Variants in UMAD1 observed in about 807,000 individuals in gnomAD.
The protein encoded by UMAD1 is UBAP1-MVB12-associated (UMA) domain containing 1.
Under a neutral mutation model 6.1 loss-of-function variants are expected in UMAD1, and 8 were observed. The observed-to-expected ratio is 1.30, with a 90% CI of 0.76 to 2.35. The LOEUF is 2.35. Ranked by LOEUF, UMAD1 falls within the 30% of genes most tolerant of loss-of-function variation. The probability of loss-of-function intolerance (pLI) is 0.00; values close to 1 mark genes in which losing one functional copy is unlikely to be tolerated. For missense variants in UMAD1, 130 were observed against 78.4 expected, an observed-to-expected ratio of 1.66 and a Z score of -2.49; for synonymous variants, 56 against 31.4, an observed-to-expected ratio of 1.78 and a Z score of -2.61.
chr7:7,716,261 A>G (rs1583768765), intron 2 of UMAD1, among the ~76,000 whole-genome samples: 1 of 152,344 alleles, frequency 6.6e-6, no homozygotes, highest in East Asian at 1.9e-4. Context: ...CGATATTATT[A>G]CAACATGGGA....
chr7:7,665,024 C>T (rs1373967505), intron 1 of UMAD1, among the ~76,000 whole-genome samples: 1 of 152,100 alleles, frequency 6.6e-6, no homozygotes, highest in East Asian at 1.9e-4. Context: ...TACACACACA[C>T]ACACATTCAT....
intron 2 of UMAD1, among the ~76,000 whole-genome samples, chr7:7,801,157 A>G (rs1445639403): frequency 1.3e-5 from 2 of 152,230 alleles, no homozygotes; most frequent in Admixed American, 1.3e-4. Flanking sequence ...AGTGAAGGCT[A>G]GTTTATGCAT....
intron 2 of UMAD1, among the ~76,000 whole-genome samples, chr7:7,723,692 A>G (rs923983766): frequency 6.6e-6 from 1 of 152,192 alleles, no homozygotes; most frequent in Non-Finnish European, 1.5e-5. Flanking sequence ...ATAGTCACTC[A>G]ACTACAAAAT....
rs1471423962 is a variant in UMAD1 at position 7,692,173 on chromosome 7, TGGAAAGCAGC to T, written c.82+18721_82+18730del. Among the ~76,000 whole-genome samples the T allele has an allele frequency of 2.6e-5, 4 of 152,064 alleles. No individual in the cohort carries two copies. The East Asian group carries it at 7.7e-4, about 29-fold the overall frequency. On this transcript the variant is annotated intron_variant, in intron 2 of 3. Transcript: ENST00000682710. ...CACATATCACCATCTTCCCTTACTC[TGGAAAGCAGC>T]TAGTCAGCAGGTAGAGAAGGGACTG...
chr7:7,662,483 A>G lies in UMAD1; in HGVS notation c.-63-10826A>G, dbSNP rs1785499708. On this transcript the variant is annotated intron_variant, in intron 1 of 3. Transcript: ENST00000682710. The stretch of plus-strand genomic sequence containing the variant: ...GAATCTCCTGGTCTGTGGGTTGCGA[A>G]GACCGTGGGAAAAGCGTAGTATCCG... 1.3e-5 allele frequency among the ~76,000 whole-genome samples: 2 copies of G among 152,220 alleles called. 1 individual carries two copies. The highest frequency in any genetic ancestry group is 1.3e-4 in the Admixed American group (2 of 15,286).
At position 7,872,974 on chromosome 7, in the gene UMAD1, A is replaced by T. The variant is rs1461957638; in HGVS notation, c.157-4307A>T. On this transcript the variant is annotated intron_variant, in intron 3 of 3. Transcript: ENST00000682710. ...AGTGAGTGTCAAAAGAGATGAATGG[A>T]TTCTAAACTTCATCTAAACCCAAAT... Among the ~76,000 whole-genome samples, 6 of 152,328 alleles carry T rather than the reference A, an allele frequency of 3.9e-5. No individual in the cohort carries two copies. In the East Asian group the frequency reaches 1.2e-3, roughly 29 times the overall value.
intron 1 of UMAD1, among the ~76,000 whole-genome samples, chr7:7,652,029 G>A (rs1399616048): frequency 6.6e-6 from 1 of 152,204 alleles, no homozygotes; most frequent in Non-Finnish European, 1.5e-5. Flanking sequence ...GGGAGGGGTA[G>A]AAGGAAGGGA....
intron 2 of UMAD1, among the ~76,000 whole-genome samples, chr7:7,739,218 G>A (rs1234690533): frequency 2.0e-5 from 3 of 152,146 alleles, no homozygotes; most frequent in Non-Finnish European, 4.4e-5. Context: ...ATGAGTACAC[G>A]TAAATACTTA....
At chr7:7,657,941 T>C (rs796586812) in intron 1 of UMAD1, among the ~76,000 whole-genome samples, 3 of 152,220 alleles carry the variant, frequency 2.0e-5, no homozygotes, top group African/African-American at 7.2e-5. Flanking sequence ...TTCCTATCCA[T>C]GAGCATGGAA....
At chr7:7,833,694 A>G (rs1041972352) in intron 3 of UMAD1, among the ~76,000 whole-genome samples, 1 of 152,198 alleles carries the variant, frequency 6.6e-6, no homozygotes, top group African/African-American at 2.4e-5. Flanking sequence ...GGAGCCTATT[A>G]ACCTTTACAC....
chr7:7,878,490 CT>C lies in UMAD1; in HGVS notation c.*953del, dbSNP rs1563282407. 3 of 152,128 alleles carry C rather than the reference CT, an allele frequency of 2.0e-5. No individual in the cohort carries two copies. Among genetic ancestry groups the C allele is most frequent in the Non-Finnish European group, 4.4e-5 (3 of 68,016 alleles). 9.4% of individuals were successfully genotyped at this position (152,128 alleles called of 1,614,324 possible). On this transcript the variant is annotated 3_prime_UTR_variant, in exon 4 of 4. Transcript: ENST00000682710. ...TCCAATTAGAGTATAGGCAGAACAC[CT>C]AGATATGACTTTTAGTTCTTGAATA...
At chr7:7,806,521 A>G (rs144124000) in intron 3 of UMAD1, among the ~76,000 whole-genome samples, 105 of 152,320 alleles carry the variant, frequency 6.9e-4, no homozygotes, top group African/African-American at 2.5e-3. Flanking sequence ...TGCCCTGTCA[A>G]TGATTTCTGG....
In UMAD1 at chr7:7,742,112, A is replaced by G. The variant is rs182826158; in HGVS notation, c.83-59558A>G. On this transcript the variant is annotated intron_variant, in intron 2 of 3. Coordinates refer to ENST00000682710, the MANE Select transcript of UMAD1 (RefSeq NM_001302348.2). ...GTTGATATGATGAAAGTTTGGCAAC[A>G]TCCAAAGCATCGTAATCAGGAGGCA... 2.0e-5 allele frequency: 12 copies of G among 596,910 alleles called. No individual in the cohort carries two copies. The East Asian group carries it at 4.1e-4, about 20-fold the overall frequency. The allele number at this position is 596,910 out of a possible 1,614,324, so 37.0% of individuals were successfully genotyped here.
At chr7:7,754,989 G>T (rs866002175) in intron 2 of UMAD1, among the ~76,000 whole-genome samples, 1 of 152,134 alleles carries the variant, frequency 6.6e-6, no homozygotes, top group Middle Eastern at 3.4e-3. Context: ...TTTTCATACA[G>T]CTGCTGGGGT....
At chr7:7,666,418 G>A (rs958114422) in intron 1 of UMAD1, among the ~76,000 whole-genome samples, 1 of 152,078 alleles carries the variant, frequency 6.6e-6, no homozygotes, top group Non-Finnish European at 1.5e-5. Flanking sequence ...ACGTTGCCCA[G>A]GCTGGTCATG....
intron 2 of UMAD1, among the ~76,000 whole-genome samples, chr7:7,765,859 C>T (rs575428385): frequency 1.3e-5 from 2 of 152,084 alleles, no homozygotes; most frequent in East Asian, 3.9e-4. Context: ...ATGTTCTACT[C>T]AAAATTTTGG....
At chr7:7,747,183 T>A (rs1728645278) in intron 2 of UMAD1, among the ~76,000 whole-genome samples, 1 of 152,160 alleles carries the variant, frequency 6.6e-6, no homozygotes, top group Non-Finnish European at 1.5e-5. Flanking sequence ...AAGGAATAAA[T>A]CCTAGTATTG....
chr7:7,762,852 T>A (rs913196659), intron 2 of UMAD1, among the ~76,000 whole-genome samples: 2 of 151,244 alleles, frequency 1.3e-5, no homozygotes, highest in Non-Finnish European at 3.0e-5. Flanking sequence ...GAAAGCACAT[T>A]ACATATATGT....
At chr7:7,713,044 A>G (rs1161597212) in intron 2 of UMAD1, among the ~76,000 whole-genome samples, 1 of 152,118 alleles carries the variant, frequency 6.6e-6, no homozygotes, top group East Asian at 1.9e-4. Flanking sequence ...TGCTCATTCA[A>G]AAAATATTCT....
Sources: gnomAD v4.1 joint callset for allele counts (sites outside exome capture counted in the v4.1 genomes callset) on GRCh38, gnomAD v4.1.1 for gene constraint, MANE v1.5 for transcripts, NCBI Gene and HGNC (gene_info 2026-07-23, HGNC 2026-07-21) for gene names.